The following ARHGAP15 variants were observed in gnomAD, a reference collection of about 807,000 sequenced individuals.
ARHGAP15 encodes the protein rho GTPase-activating protein 15.
A neutral mutation model predicts 63.7 loss-of-function variants in ARHGAP15; 51 were observed. That is an observed-to-expected ratio of 0.80 (90% CI 0.64 to 1.01). ARHGAP15 has a LOEUF of 1.01. ARHGAP15 is among the 50% of genes least tolerant of loss of function. The pLI is 0.00. For missense variants in ARHGAP15, 560 were observed against 564.6 expected, an observed-to-expected ratio of 0.99 and a Z score of 0.08; for synonymous variants, 191 against 193.8, an observed-to-expected ratio of 0.99 and a Z score of 0.12.
At chr2:143,224,469 G>T (rs545204164) in intron 4 of ARHGAP15, among the ~76,000 whole-genome samples, 124 of 152,280 alleles carry the variant, frequency 8.1e-4, no homozygotes, top group African/African-American at 2.8e-3. Context: ...TAAGAGGAGA[G>T]AGGTGGTTTC....
chr2:143,321,912 A>G (rs1203758994), intron 6 of ARHGAP15, among the ~76,000 whole-genome samples: 6 of 152,162 alleles, frequency 3.9e-5, no homozygotes, highest in Non-Finnish European at 8.8e-5. Flanking sequence ...CCTTGGCCTC[A>G]AGCAATCCTC....
intron 6 of ARHGAP15, among the ~76,000 whole-genome samples, chr2:143,323,702 G>A (rs528145517): frequency 6.6e-6 from 1 of 151,810 alleles, no homozygotes; most frequent in South Asian, 2.1e-4. Flanking sequence ...CCGAGACCAC[G>A]GTGAAACCCT....
chr2:143,585,901 G>A (rs1416913942), intron 11 of ARHGAP15, among the ~76,000 whole-genome samples: 2 of 152,100 alleles, frequency 1.3e-5, no homozygotes, highest in Non-Finnish European at 2.9e-5. Flanking sequence ...GTAAGGGAAA[G>A]TGCCTTGCTG....
At chr2:143,379,072 C>T (rs755116570) in intron 6 of ARHGAP15, among the ~76,000 whole-genome samples, 11 of 151,746 alleles carry the variant, frequency 7.2e-5, no homozygotes, top group South Asian at 2.1e-4. Context: ...TAAGCATCCC[C>T]GATGACTTGT....
intron 11 of ARHGAP15, among the ~76,000 whole-genome samples, chr2:143,559,363 T>A (rs1175657380): frequency 6.6e-6 from 1 of 152,132 alleles, no homozygotes; most frequent in African/African-American, 2.4e-5. Flanking sequence ...CATGTTTCCA[T>A]GAGAATTGAC....
chr2:143,288,994 G>T (rs924482974), intron 6 of ARHGAP15, among the ~76,000 whole-genome samples: 1 of 151,804 alleles, frequency 6.6e-6, no homozygotes, highest in African/African-American at 2.4e-5. Context: ...ACAGCATCAA[G>T]CCTGTCACCA....
At chr2:143,382,671 C>T (rs1042134055) in intron 6 of ARHGAP15, among the ~76,000 whole-genome samples, 1 of 152,164 alleles carries the variant, frequency 6.6e-6, no homozygotes, top group Non-Finnish European at 1.5e-5. Flanking sequence ...ATAACACCAA[C>T]TAAGAACAGA....
At chr2:143,168,059 G>A (rs1690620093) in intron 2 of ARHGAP15, among the ~76,000 whole-genome samples, 2 of 152,128 alleles carry the variant, frequency 1.3e-5, no homozygotes, top group Admixed American at 1.3e-4. Context: ...ACTTAGAAGT[G>A]TAGTCTTTAT....
intron 12 of ARHGAP15, among the ~76,000 whole-genome samples, chr2:143,642,388 A>C (rs1332180009): frequency 6.6e-6 from 1 of 152,046 alleles, no homozygotes; most frequent in Non-Finnish European, 1.5e-5. Flanking sequence ...TCCTGGACCC[A>C]CCCAGGTAGA....
chr2:143,317,220 C>T (rs953244715), intron 6 of ARHGAP15, among the ~76,000 whole-genome samples: 3 of 138,534 alleles, frequency 2.2e-5, no homozygotes, highest in African/African-American at 7.4e-5. Flanking sequence ...TATAAGAGTA[C>T]CAGATAAAAA....
chr2:143,270,350 ATCT>A lies in ARHGAP15; in HGVS notation c.474+19755_474+19757del, dbSNP rs1681212105. Among the ~76,000 whole-genome samples the A allele has an allele frequency of 2.0e-5, 3 of 152,194 alleles. No homozygotes were observed. The South Asian group carries it at 6.2e-4, about 32-fold the overall frequency. On this transcript the variant is annotated intron_variant, in intron 6 of 13. Coordinates refer to ENST00000295095, the MANE Select transcript of ARHGAP15 (RefSeq NM_018460.4). The stretch of plus-strand genomic sequence containing the variant: ...ACATTTCTGTTTTGCTTTGAATATG[ATCT>A]TCTTGGTATTTACAATTTAAAATAA...
intron 10 of ARHGAP15, among the ~76,000 whole-genome samples, chr2:143,555,920 T>C (rs927823921): frequency 6.1e-5 from 8 of 131,206 alleles, no homozygotes; most frequent in Non-Finnish European, 1.2e-4. Context: ...TAGAATAGAA[T>C]AGAATAGAAC....
At chr2:143,430,745 A>G (rs562051751) in intron 6 of ARHGAP15, among the ~76,000 whole-genome samples, 1 of 152,210 alleles carries the variant, frequency 6.6e-6, no homozygotes, top group East Asian at 1.9e-4. Context: ...AAATATAAAA[A>G]TTATATCATG....
chr2:143,533,394 G>A (rs1694606777), intron 10 of ARHGAP15: 1 of 152,072 alleles, frequency 6.6e-6, no homozygotes, highest in Non-Finnish European at 1.5e-5. Context: ...TCTTTCTTTG[G>A]TGTGTGATTA....
chr2:143,198,021 A>G (rs943956197), intron 2 of ARHGAP15, among the ~76,000 whole-genome samples: 7 of 151,842 alleles, frequency 4.6e-5, no homozygotes, highest in African/African-American at 1.7e-4. Flanking sequence ...GAGAAACAAT[A>G]AAGTGTCATA....
At chr2:143,207,979 C>T (rs1473063639) in intron 3 of ARHGAP15, among the ~76,000 whole-genome samples, 2 of 152,128 alleles carry the variant, frequency 1.3e-5, no homozygotes, top group Non-Finnish European at 2.9e-5. Flanking sequence ...CTCTCCTCAC[C>T]TCCACCATGC....
intron 4 of ARHGAP15, among the ~76,000 whole-genome samples, chr2:143,222,598 G>C (rs768799741): frequency 6.6e-6 from 1 of 152,192 alleles, no homozygotes; most frequent in African/African-American, 2.4e-5. Flanking sequence ...CAAAGTTGCT[G>C]TTATTATGTG....
intron 13 of ARHGAP15, among the ~76,000 whole-genome samples, chr2:143,764,366 C>T (rs1468969502): frequency 6.6e-6 from 1 of 152,098 alleles, no homozygotes; most frequent in Non-Finnish European, 1.5e-5. Context: ...TAGCCTCCAA[C>T]TCTTCCTTCT....
At chr2:143,446,903 T>C (rs575643085) in intron 8 of ARHGAP15, among the ~76,000 whole-genome samples, 1 of 152,140 alleles carries the variant, frequency 6.6e-6, no homozygotes, top group East Asian at 1.9e-4. Context: ...CTTGCAATAG[T>C]TTGCTGAGAA....
Sources: allele counts gnomAD v4.1 joint callset (sites outside exome capture counted in the v4.1 genomes callset), GRCh38; gene constraint gnomAD v4.1.1; transcripts MANE v1.5; gene names NCBI Gene and HGNC (gene_info 2026-07-23, HGNC 2026-07-21).